Variants in SSX1 observed in about 807,000 individuals in gnomAD.
The protein encoded by SSX1 is SSX family member 1.
Under a neutral mutation model 14.6 loss-of-function variants are expected in SSX1, and 58 were observed. The observed-to-expected ratio is 3.96, with a 90% CI of 3.21 to 4.93. SSX1 has a LOEUF of 4.93. Ranked by LOEUF, SSX1 falls within the 30% of genes most tolerant of loss-of-function variation. SSX1 has a pLI of 0.00. For synonymous variants in SSX1, 46 were observed against 52.1 expected (o/e 0.88, Z 0.50); for missense variants, 272 against 143.1 (o/e 1.90, Z -4.60).
In SSX1 at chrX:48,256,051, T is replaced by C. The variant is rs372066050; in HGVS notation, c.-21+619T>C. ...GTTTTGTTGTTGTTGTTCTTTTTAG[T>C]AGAGACAGGGTTTCCTTATGTTGGC... On this transcript the variant is annotated intron_variant, in intron 1 of 7. Transcript: ENST00000376919. Among the ~76,000 whole-genome samples, 14 of 107,929 alleles carry C rather than the reference T, an allele frequency of 1.3e-4. No homozygotes were observed. The East Asian group carries it at 3.6e-3, about 27-fold the overall frequency. 93.7% of individuals were successfully genotyped at this position (107,929 alleles called of 115,157 possible).
intron 4 of SSX1, among the ~76,000 whole-genome samples, chrX:48,261,019 C>T (rs1191018042): frequency 3.6e-5 from 4 of 111,701 alleles, no homozygotes; most frequent in Non-Finnish European, 7.5e-5. Flanking sequence ...CCTCATCCAA[C>T]ACACAGAGAG....
At chrX:48,258,050 G>T (rs1556934782) in intron 3 of SSX1, among the ~76,000 whole-genome samples, 190 bp downstream of exon 3, 1 of 109,541 alleles carries the variant, frequency 9.1e-6, no homozygotes, top group Admixed American at 9.8e-5. Context: ...TGGCCATAGT[G>T]GAGCTTGTAC....
rs1556934940 is a variant in SSX1, at chrX:48,258,574, C to T, written c.223C>T (p.Gln75Ter). The T allele has an allele frequency of 8.3e-7, 1 of 1,209,162 alleles. No individual in the cohort carries two copies. The highest frequency in any genetic ancestry group is 1.1e-6 in the Non-Finnish European group (1 of 893,900). The part of the protein sequence containing the change: ...VTLPPFMCNK[Q>*]ATDFQGNDFD... ...CCTCCCACCTTTCATGTGTAATAAA[C>T]AGGCCACAGACTTCCAGGGGAATGA... Residue 75 changes from glutamine (Q) to a stop codon, truncating the protein, a stop_gained, in exon 4 of 8, where the codon CAG becomes TAG. Coordinates refer to ENST00000376919, the MANE Select transcript of SSX1 (RefSeq NM_005635.4). LOFTEE classifies it high-confidence loss of function.
chrX:48,256,384 C>T (rs1429179498), intron 1 of SSX1, among the ~76,000 whole-genome samples: 1 of 107,083 alleles, frequency 9.3e-6, no homozygotes, highest in African/African-American at 3.4e-5. Context: ...AAGCGATCCG[C>T]CCCCCCTTGG....
At chrX:48,257,034 C>A (rs1308933037) in intron 1 of SSX1, among the ~76,000 whole-genome samples, 188 bp from the exon 2 acceptor site, 17 of 111,361 alleles carry the variant, frequency 1.5e-4, no homozygotes, top group Middle Eastern at 4.2e-3. Context: ...ATACTTCTCC[C>A]AGAGACTCCA....
chrX:48,256,261 C>T (rs180727889), intron 1 of SSX1, among the ~76,000 whole-genome samples: 15 of 108,772 alleles, frequency 1.4e-4, no homozygotes, highest in Non-Finnish European at 2.7e-4. Flanking sequence ...GCCTCGGCCT[C>T]GGAACTACAG....
rs1348338212 is a variant in SSX1, at chrX:48,261,817, T to C, written c.330+2T>C. 2.5e-6 allele frequency: 3 copies of C among 1,210,204 alleles called. No individual in the cohort carries two copies. Among genetic ancestry groups the C allele is most frequent in the Middle Eastern group, 2.3e-4 (1 of 4,347 alleles). On this transcript the variant is annotated splice_donor_variant, in intron 5 of 7. Transcript: ENST00000376919. LOFTEE classifies it high-confidence loss of function. Reference sequence around the variant, plus strand: ...AGGCTCCACAGAATCATCCCGAAGGTGAGTATCTCTCAAATCTAAAGGACC... The same window carrying C: ...AGGCTCCACAGAATCATCCCGAAGGCGAGTATCTCTCAAATCTAAAGGACC...
At chrX:48,261,584 T>C (rs1451230814) in intron 4 of SSX1, among the ~76,000 whole-genome samples, 182 bp from the exon 5 acceptor site, 2 of 112,346 alleles carry the variant, frequency 1.8e-5, no homozygotes, top group African/African-American at 3.2e-5. Flanking sequence ...AAATTCTGAA[T>C]TGATGCCACA....
Position 48,265,851 on chromosome X carries a change from C to T in SSX1, c.467-436C>T, listed in dbSNP as rs1263761698. The stretch of plus-strand genomic sequence containing the variant: ...AACAATTGCAATAATAACATCAAAG[C>T]TCACTGATCACAGATCACCATAACA... On this transcript the variant is annotated intron_variant, in intron 6 of 7. Transcript: ENST00000376919. 2.0e-4 allele frequency among the ~76,000 whole-genome samples: 22 copies of T among 111,429 alleles called. No individual in the cohort carries two copies. The Admixed American group carries it at 2.1e-3, about 11-fold the overall frequency.
At chrX:48,266,163 A>G (rs2059622426) in intron 6 of SSX1, 124 bp from the exon 7 acceptor site, 1 of 1,102,515 alleles carries the variant, frequency 9.1e-7, no homozygotes, top group African/African-American at 1.9e-5. Context: ...GAGAATGTGA[A>G]AAACTGGATA....
chrX:48,262,577 A>G (rs1402812595), intron 5 of SSX1, among the ~76,000 whole-genome samples: 1 of 111,053 alleles, frequency 9.0e-6, no homozygotes, highest in African/African-American at 3.3e-5. Context: ...GGGGCATCCG[A>G]GAAGCCCCAG....
chrX:48,264,034 C>T, intron 6 of SSX1, 117 bp downstream of exon 6: 1 of 1,088,014 alleles, frequency 9.2e-7, no homozygotes, highest in Non-Finnish European at 1.2e-6. Context: ...GGCTGAAGAG[C>T]TCGCCCAGCT....
rs1285172632 is a variant in SSX1 at position 48,263,684 on chromosome X, C to T, written c.331-98C>T. On this transcript the variant is annotated intron_variant, in intron 5 of 7. Transcript: ENST00000376919. ...GTAACTCTCCCCGCGTTGTTGAGAACATTCATTAAGGTAATGCATGTGAAG... is the reference window on the plus strand; with the variant it reads ...GTAACTCTCCCCGCGTTGTTGAGAATATTCATTAAGGTAATGCATGTGAAG... 3.7e-6 allele frequency: 4 copies of T among 1,095,594 alleles called. No homozygotes were observed. The African/African-American group carries it at 5.6e-5, about 15-fold the overall frequency. The allele number at this position is 1,095,594 out of a possible 1,213,427, so 90.3% of individuals were successfully genotyped here. A position where few individuals can be genotyped will look rare whatever the true frequency, so the allele number is the denominator to read the frequency against.
intron 4 of SSX1, among the ~76,000 whole-genome samples, chrX:48,260,216 T>G (rs1255345442): frequency 1.9e-5 from 2 of 106,379 alleles, no homozygotes; most frequent in Non-Finnish European, 3.9e-5. Flanking sequence ...TGGTGAGCAT[T>G]TTTTCATGTG....
intron 1 of SSX1, among the ~76,000 whole-genome samples, chrX:48,256,273 C>T (rs1209374213): frequency 1.5e-4 from 16 of 106,340 alleles, no homozygotes; most frequent in East Asian, 5.9e-4. Flanking sequence ...GAACTACAGG[C>T]GAGCACCACC....
chrX:48,258,976 G>GTGTTT (rs199814428), intron 4 of SSX1, among the ~76,000 whole-genome samples: 41,300 of 105,458 alleles, frequency 0.39, 6,886 homozygotes, highest in Non-Finnish European at 0.44. Context: ...TGTTGATAGT[G>GTGTTT]TGTTTTGTTT....
Position 48,263,790 on chromosome X carries a change from CA to C in SSX1, c.341del (p.Lys114ArgfsTer62). ...ACCTTCACATTATAAAGATCATGCC[CA>C]AGAAGCCAGCAGAGGACGAAAATGA... Reference protein sequence around the residue: ...LHRIIPKIMPKKPAEDENDSK... With the variant: ...LHRIIPKIMPXKPAEDENDSK... On this transcript the variant is annotated frameshift_variant, in exon 6 of 8. Transcript: ENST00000376919. LOFTEE classifies it high-confidence loss of function. 2 of 1,211,236 alleles carry C rather than the reference CA, an allele frequency of 1.7e-6. No homozygotes were observed. The highest frequency in any genetic ancestry group is 2.2e-6 in the Non-Finnish European group (2 of 895,252).
rs782800954 is a variant in SSX1, at chrX:48,263,773, A to T, written c.331-9A>T. 1.7e-6 allele frequency: 2 copies of T among 1,211,264 alleles called. No individual in the cohort carries two copies. The highest frequency in any genetic ancestry group is 2.2e-6 in the Non-Finnish European group (2 of 895,122). ...GATACTGTTTATCTGTAACCTTCAC[A>T]TTATAAAGATCATGCCCAAGAAGCC... On this transcript the variant is annotated splice_polypyrimidine_tract_variant and intron_variant, in intron 5 of 7. Transcript: ENST00000376919.
At chrX:48,257,125 A>C in intron 1 of SSX1, 97 bp from the exon 2 acceptor site, 1 of 798,287 alleles carries the variant, frequency 1.3e-6, no homozygotes, top group Non-Finnish European at 1.9e-6. Context: ...GCAACCCCTA[A>C]TTCCAGGTGA....
Sources: gnomAD v4.1 joint callset for allele counts (sites outside exome capture counted in the v4.1 genomes callset) on GRCh38, gnomAD v4.1.1 for gene constraint, MANE v1.5 for transcripts, NCBI Gene and HGNC (gene_info 2026-07-23, HGNC 2026-07-21) for gene names.